The following CYB5RL variants were observed in gnomAD, a reference collection of about 807,000 sequenced individuals.
CYB5RL encodes the protein cytochrome b5 reductase like, also known as NADH-cytochrome b5 reductase-like.
A neutral mutation model predicts 37.5 loss-of-function variants in CYB5RL; 38 were observed. That is an observed-to-expected ratio of 1.01 (90% CI 0.78 to 1.33). The LOEUF (loss-of-function observed/expected upper bound fraction) is 1.33, where lower values mean the gene tolerates loss of function less well. Ranked by LOEUF, CYB5RL falls within the 40% of genes most tolerant of loss-of-function variation. The pLI is 0.00. For synonymous variants in CYB5RL, 141 were observed against 151.9 expected (o/e 0.93, Z 0.53); for missense variants, 388 against 394.4 (o/e 0.98, Z 0.14).
chr1:54,187,176 A>G (rs1643908292), intron 5 of CYB5RL, among the ~76,000 whole-genome samples: 1 of 151,974 alleles, frequency 6.6e-6, no homozygotes, highest in Non-Finnish European at 1.5e-5. Context: ...TACTTTGTTC[A>G]TCTCATATCT....
chr1:54,191,459 G>A (rs1643953286), intron 3 of CYB5RL, among the ~76,000 whole-genome samples: 2 of 152,158 alleles, frequency 1.3e-5, no homozygotes, highest in Admixed American at 1.3e-4. Flanking sequence ...AGTCATGCTG[G>A]CTTACTTGTC....
At chr1:54,197,509 A>T (rs1428335977) in intron 1 of CYB5RL, among the ~76,000 whole-genome samples, 1 of 151,904 alleles carries the variant, frequency 6.6e-6, no homozygotes, top group African/African-American at 2.4e-5. Context: ...TTTTGAGTAG[A>T]GACAGGTCCT....
intron 2 of CYB5RL, 35 bp from the exon 3 acceptor site, chr1:54,195,750 T>C: frequency 1.0e-6 from 1 of 974,560 alleles, no homozygotes; most frequent in South Asian, 2.0e-5. Context: ...TATTCTCTGG[T>C]CTCCTCTATT....
chr1:54,195,286 C>T (rs1039692726), intron 3 of CYB5RL, 133 bp downstream of exon 3: 1 of 1,076,598 alleles, frequency 9.3e-7, no homozygotes, highest in African/African-American at 1.6e-5. Flanking sequence ...GAGCCTAGAT[C>T]TGTTTGCTTC....
At chr1:54,187,828 C>A in intron 4 of CYB5RL, 89 bp from the exon 5 acceptor site, 2 of 1,177,414 alleles carry the variant, frequency 1.7e-6, no homozygotes, top group Non-Finnish European at 2.5e-6. Context: ...GTAATCCCCA[C>A]ACTTTGGGAG....
chr1:54,187,732 C>CTA lies in CYB5RL; in HGVS notation c.353_354dup (p.Val119Ter). The CTA allele has an allele frequency of 1.9e-6, 3 of 1,613,898 alleles. No individual in the cohort carries two copies. The highest frequency in any genetic ancestry group is 2.5e-6 in the Non-Finnish European group (3 of 1,179,802). ...GCTCTCTGAATTTCTAAGTCATCTA[C>CTA]TATCCCTCTGAGAAACAGAAGTGTG... is the stretch of plus-strand genomic sequence containing the variant. On this transcript the variant is annotated frameshift_variant, in exon 5 of 8. Coordinates refer to ENST00000534324, the MANE Select transcript of CYB5RL (RefSeq NM_001031672.4). LOFTEE classifies it high-confidence loss of function.
chr1:54,176,941 G>A (rs1396270131), intron 7 of CYB5RL, among the ~76,000 whole-genome samples: 1 of 152,190 alleles, frequency 6.6e-6, no homozygotes, highest in Non-Finnish European at 1.5e-5. Context: ...GGTGGGAGGT[G>A]AGGAAAGGAG....
intron 4 of CYB5RL, among the ~76,000 whole-genome samples, chr1:54,189,639 A>G (rs1643932139): frequency 6.6e-6 from 1 of 152,166 alleles, no homozygotes; most frequent in South Asian, 2.1e-4. Flanking sequence ...GCAGGGACAG[A>G]GAGGGTGAAG....
intron 4 of CYB5RL, among the ~76,000 whole-genome samples, chr1:54,189,895 C>T (rs1166142358): frequency 6.6e-6 from 1 of 152,226 alleles, no homozygotes; most frequent in Non-Finnish European, 1.5e-5. Flanking sequence ...CTGGCCGCAC[C>T]TTGCTTCCTT....
rs1456407760 is a variant in CYB5RL, at chr1:54,179,300, G to T, written c.593C>A (p.Pro198His). The change falls in exon 7 of 8, where the codon CCT becomes CAT. Residue 198 changes from proline to histidine, a missense_variant. Physicochemically the swap from Pro to His is moderately conservative, Grantham distance 77. Transcript: ENST00000534324. ...ATTGTCTGTGATGCTCTGCAGGATA[G>T]GCACCATGGGGGCCAGGCCCGTGCC... is the stretch of plus-strand genomic sequence containing the variant. ...AAGTGLAPMVPILQSITDNEN... is the reference protein window; with the variant it reads ...AAGTGLAPMVHILQSITDNEN... 2 of 1,613,806 alleles carry T rather than the reference G, an allele frequency of 1.2e-6. No homozygotes were observed. The highest frequency in any genetic ancestry group is 2.2e-5 in the South Asian group (2 of 91,032).
chr1:54,174,970 T>C, intron 7 of CYB5RL, 148 bp from the exon 8 acceptor site: 2 of 743,410 alleles, frequency 2.7e-6, no homozygotes, highest in Non-Finnish European at 4.3e-6. Context: ...GGCCAGGCAT[T>C]TCCTCCTTAT....
Position 54,169,715 on chromosome 1 carries a change from T to A in CYB5RL, c.*4904A>T, listed in dbSNP as rs1659849134. 6.6e-6 allele frequency: 1 copy of A among 152,206 alleles called. No homozygotes were observed. The highest frequency in any genetic ancestry group is 1.5e-5 in the Non-Finnish European group (1 of 68,038). 9.4% of individuals were successfully genotyped at this position (152,206 alleles called of 1,614,324 possible). A position where few individuals can be genotyped will look rare whatever the true frequency, so the allele number is the denominator to read the frequency against. On this transcript the variant is annotated 3_prime_UTR_variant, in exon 8 of 8. Coordinates refer to ENST00000534324, the MANE Select transcript of CYB5RL (RefSeq NM_001031672.4). Reference sequence around the variant, plus strand: ...CAGAAAAAGGTAGAAAATAATATAGTAGACATTGGGGAACTCATTGCCCAG... The same window carrying A: ...CAGAAAAAGGTAGAAAATAATATAGAAGACATTGGGGAACTCATTGCCCAG...
At chr1:54,184,078 T>A in intron 6 of CYB5RL, 83 bp downstream of exon 6, 1 of 1,212,462 alleles carries the variant, frequency 8.2e-7, no homozygotes. Context: ...TCAAGGAGAA[T>A]GGCACAGTGA....
In CYB5RL at chr1:54,174,494, C is replaced by T. The variant is rs1659969185; in HGVS notation, c.*125G>A. ...GTTCTGAGCAGTAAAGACACTTGCC[C>T]AAGGTCACCTGGCAAATGAGCAGCA... On this transcript the variant is annotated 3_prime_UTR_variant, in exon 8 of 8. Transcript: ENST00000534324. 2 of 1,165,904 alleles carry T rather than the reference C, an allele frequency of 1.7e-6. No homozygotes were observed. Among genetic ancestry groups the T allele is most frequent in the Non-Finnish European group, 2.5e-6 (2 of 811,218 alleles). 72.2% of individuals were successfully genotyped at this position (1,165,904 alleles called of 1,614,324 possible).
At chr1:54,179,463 C>T in intron 6 of CYB5RL, 111 bp from the exon 7 acceptor site, 1 of 1,099,622 alleles carries the variant, frequency 9.1e-7, no homozygotes. Flanking sequence ...CAGTGCCCTT[C>T]CTTGGTGTCC....
intron 6 of CYB5RL, among the ~76,000 whole-genome samples, chr1:54,182,092 G>A (rs570713490): frequency 6.6e-6 from 1 of 152,324 alleles, no homozygotes; most frequent in East Asian, 1.9e-4. Context: ...TAGACAAGGA[G>A]GAAACACAAA....
intron 7 of CYB5RL, among the ~76,000 whole-genome samples, chr1:54,178,195 G>A (rs370589591): frequency 1.3e-5 from 2 of 152,158 alleles, no homozygotes; most frequent in African/African-American, 4.8e-5. Flanking sequence ...ATATTGGGAC[G>A]GGAAATCCAA....
At chr1:54,178,511 T>G (rs1022359546) in intron 7 of CYB5RL, among the ~76,000 whole-genome samples, 1 of 152,170 alleles carries the variant, frequency 6.6e-6, no homozygotes, top group Non-Finnish European at 1.5e-5. Flanking sequence ...CCAGAAGGGT[T>G]ACCTGAGTGA....
intron 3 of CYB5RL, among the ~76,000 whole-genome samples, chr1:54,193,364 G>C (rs1643974368): frequency 6.6e-6 from 1 of 152,182 alleles, no homozygotes; most frequent in African/African-American, 2.4e-5. Context: ...TGGTAGTCCT[G>C]AGTTAGGAAG....
Sources: allele counts gnomAD v4.1 joint callset (sites outside exome capture counted in the v4.1 genomes callset), GRCh38; gene constraint gnomAD v4.1.1; transcripts MANE v1.5; gene names NCBI Gene and HGNC (gene_info 2026-07-23, HGNC 2026-07-21).